Variants in CYP19A1 observed in about 807,000 individuals in gnomAD.
The protein encoded by CYP19A1 is aromatase.
Under a neutral mutation model 44.4 loss-of-function variants are expected in CYP19A1, and 32 were observed. The observed-to-expected ratio is 0.72, with a 90% CI of 0.54 to 0.97. The LOEUF is 0.97. Among genes scored for constraint, CYP19A1 ranks in the 50% least tolerant of loss-of-function variants. CYP19A1 has a pLI of 0.00. For missense variants in CYP19A1, 598 were observed against 637.8 expected (o/e 0.94, Z 0.67); for synonymous variants, 212 against 215.6 (o/e 0.98, Z 0.14).
chr15:51,316,661 T>A (rs1181092582), intron 1 of CYP19A1, among the ~76,000 whole-genome samples: 1 of 151,160 alleles, frequency 6.6e-6, no homozygotes, highest in Non-Finnish European at 1.5e-5. Context: ...GGTGCATTGC[T>A]TGAGCCCAGG....
At chr15:51,287,576 G>A (rs1273528523) in intron 1 of CYP19A1, among the ~76,000 whole-genome samples, 1 of 152,182 alleles carries the variant, frequency 6.6e-6, no homozygotes, top group African/African-American at 2.4e-5. Flanking sequence ...TCCCATGCAG[G>A]CTTTGTCTCC....
chr15:51,239,875 C>A (rs2033642424), intron 2 of CYP19A1, among the ~76,000 whole-genome samples: 1 of 152,182 alleles, frequency 6.6e-6, no homozygotes, highest in Non-Finnish European at 1.5e-5. Context: ...TAGTTCCCTG[C>A]TCTGGGATGT....
chr15:51,327,628 T>C (rs2036632257), intron 1 of CYP19A1, among the ~76,000 whole-genome samples: 4 of 152,026 alleles, frequency 2.6e-5, no homozygotes, highest in Admixed American at 2.6e-4. Context: ...GGTCCACAGG[T>C]CCCTTGGGGC....
chr15:51,297,816 T>A (rs1399924124), intron 1 of CYP19A1, among the ~76,000 whole-genome samples: 1 of 51,608 alleles, frequency 1.9e-5, no homozygotes, highest in Non-Finnish European at 3.5e-5. Flanking sequence ...ACTGTAGGCA[T>A]GACACACACA....
chr15:51,212,935 T>C (rs1047429822), intron 8 of CYP19A1, among the ~76,000 whole-genome samples: 2 of 152,226 alleles, frequency 1.3e-5, no homozygotes, highest in Admixed American at 1.3e-4. Context: ...CCCAATCTGC[T>C]TCAAACATTC....
intron 1 of CYP19A1, among the ~76,000 whole-genome samples, chr15:51,280,963 C>CA (rs1276681685): frequency 6.6e-6 from 1 of 152,148 alleles, no homozygotes; most frequent in Non-Finnish European, 1.5e-5. Flanking sequence ...AGCTCCGGGG[C>CA]ATCCTCTGTG....
chr15:51,241,545 C>T (rs1406526366), intron 2 of CYP19A1, among the ~76,000 whole-genome samples: 1 of 152,076 alleles, frequency 6.6e-6, no homozygotes, highest in African/African-American at 2.4e-5. Context: ...GGCTCTCCAC[C>T]CCCACCACTT....
At chr15:51,222,947 C>T (rs1383104457) in intron 4 of CYP19A1, among the ~76,000 whole-genome samples, 2 of 152,132 alleles carry the variant, frequency 1.3e-5, no homozygotes, top group African/African-American at 2.4e-5. Flanking sequence ...TGCGTTTCAA[C>T]AGGTGGCAGG....
chr15:51,314,855 C>T lies in CYP19A1; in HGVS notation c.-39+23640G>A, dbSNP rs576995651. ...TTGTTTCTTCATAAGTGTTGGTTTC[C>T]TCCATTTTCCTCATTTCCTACTTCC... On this transcript the variant is annotated intron_variant, in intron 1 of 9. Transcript: ENST00000396402. Among the ~76,000 whole-genome samples, 13 of 152,228 alleles carry T rather than the reference C, an allele frequency of 8.5e-5. No homozygotes were observed. In the South Asian group the frequency reaches 2.7e-3, roughly 32 times the overall value.
At chr15:51,331,141 G>C (rs1353878085) in intron 1 of CYP19A1, among the ~76,000 whole-genome samples, 1 of 152,044 alleles carries the variant, frequency 6.6e-6, no homozygotes, top group African/African-American at 2.4e-5. Context: ...AAGGCAGATG[G>C]AGATCAAAAC....
intron 1 of CYP19A1, chr15:51,279,842 C>T (rs1210080768): frequency 2.6e-5 from 4 of 152,246 alleles, no homozygotes; most frequent in African/African-American, 9.6e-5. Flanking sequence ...GAGAAAGAGG[C>T]TGTGAACTCA....
At chr15:51,216,312 C>T (rs1294903197) in intron 6 of CYP19A1, among the ~76,000 whole-genome samples, 2 of 152,150 alleles carry the variant, frequency 1.3e-5, no homozygotes, top group South Asian at 2.1e-4. Context: ...AGTGCAGTGG[C>T]ATGATCTCAG....
In CYP19A1 at chr15:51,210,568, G is replaced by T. The variant is rs1379933476; in HGVS notation, c.*240C>A. ...TCTTTATGGATACGGTTTCTTCACCGACTATTTCTCCCTCAAACTCTTGGC... is the reference window on the plus strand; with the variant it reads ...TCTTTATGGATACGGTTTCTTCACCTACTATTTCTCCCTCAAACTCTTGGC... On this transcript the variant is annotated 3_prime_UTR_variant, in exon 10 of 10. Transcript: ENST00000396402. 1.5e-6 allele frequency: 1 copy of T among 655,420 alleles called. No homozygotes were observed. Among genetic ancestry groups the T allele is most frequent in the East Asian group, 3.0e-5 (1 of 33,794 alleles). 40.6% of individuals were successfully genotyped at this position (655,420 alleles called of 1,614,324 possible).
At chr15:51,252,442 T>A (rs1318578622) in intron 1 of CYP19A1, among the ~76,000 whole-genome samples, 1 of 152,228 alleles carries the variant, frequency 6.6e-6, no homozygotes, top group Non-Finnish European at 1.5e-5. Flanking sequence ...GAAAGTTGTT[T>A]CCAGGTTATA....
At chr15:51,285,584 G>A (rs1021988383) in intron 1 of CYP19A1, among the ~76,000 whole-genome samples, 3 of 152,196 alleles carry the variant, frequency 2.0e-5, no homozygotes, top group African/African-American at 7.2e-5. Context: ...CGTGGCCTCT[G>A]GAATGGGTCT....
At chr15:51,296,925 G>A (rs191146180) in intron 1 of CYP19A1, among the ~76,000 whole-genome samples, 4 of 152,264 alleles carry the variant, frequency 2.6e-5, no homozygotes, top group Admixed American at 1.3e-4. Flanking sequence ...GAAGTTTCTG[G>A]TTTGCTTTCC....
intron 1 of CYP19A1, among the ~76,000 whole-genome samples, chr15:51,258,517 C>T (rs2141158217): frequency 6.6e-6 from 1 of 152,336 alleles, no homozygotes; most frequent in Non-Finnish European, 1.5e-5. Context: ...AGCCTCGTTC[C>T]AGCAGGACTC....
intron 8 of CYP19A1, among the ~76,000 whole-genome samples, chr15:51,213,724 C>A (rs2031267841): frequency 6.6e-6 from 1 of 152,198 alleles, no homozygotes. Context: ...TTTCACCTCT[C>A]AAATAAATGG....
intron 1 of CYP19A1, among the ~76,000 whole-genome samples, chr15:51,330,733 C>T (rs181559010): frequency 9.2e-5 from 14 of 151,994 alleles, no homozygotes; most frequent in African/African-American, 2.7e-4. Context: ...AAGGAACAGT[C>T]GGAGAAGTAG....
Sources: gnomAD v4.1 joint callset for allele counts (sites outside exome capture counted in the v4.1 genomes callset) on GRCh38, gnomAD v4.1.1 for gene constraint, MANE v1.5 for transcripts, NCBI Gene and HGNC (gene_info 2026-07-23, HGNC 2026-07-21) for gene names.